The following HERC1 variants were observed in gnomAD, a reference collection of about 807,000 sequenced individuals.
HERC1 encodes probable E3 ubiquitin-protein ligase HERC1.
In HERC1, 160 loss-of-function variants were observed where a neutral mutation model predicts 554.3. That is an observed-to-expected ratio of 0.29 (90% CI 0.25 to 0.33). The LOEUF is 0.33. Among genes scored for constraint, HERC1 ranks in the 10% least tolerant of loss-of-function variants. The pLI is 1.00. For synonymous variants in HERC1, 2,175 were observed against 2,131.7 expected (o/e 1.02, Z -0.56); for missense variants, 4,919 against 5,918.5 (o/e 0.83, Z 5.54).
intron 1 of HERC1, among the ~76,000 whole-genome samples, chr15:63,821,653 G>A (rs1320313315): frequency 1.3e-5 from 2 of 149,716 alleles, no homozygotes; most frequent in Non-Finnish European, 1.5e-5. Flanking sequence ...CTGAGTCTTG[G>A]GAGGTCAAGG....
chr15:63,807,377 C>T (rs2077169966), intron 1 of HERC1, among the ~76,000 whole-genome samples: 1 of 152,136 alleles, frequency 6.6e-6, no homozygotes, highest in South Asian at 2.1e-4. Flanking sequence ...AGCTCCCTTC[C>T]CACCTCACAA....
chr15:63,621,451 T>C (rs1220028852), intron 74 of HERC1, among the ~76,000 whole-genome samples: 1 of 152,230 alleles, frequency 6.6e-6, no homozygotes, highest in Non-Finnish European at 1.5e-5. Flanking sequence ...TCAACTTTGG[T>C]GAATCTGACA....
At chr15:63,740,697 G>A (rs1334013871) in intron 12 of HERC1, among the ~76,000 whole-genome samples, 1 of 151,318 alleles carries the variant, frequency 6.6e-6, no homozygotes, top group African/African-American at 2.4e-5. Flanking sequence ...TTTTTCATGT[G>A]TTTACTGGCT....
intron 1 of HERC1, among the ~76,000 whole-genome samples, chr15:63,798,005 T>G (rs931443847): frequency 6.6e-6 from 1 of 152,306 alleles, no homozygotes; most frequent in South Asian, 2.1e-4. Flanking sequence ...ACTCTAAATG[T>G]TGAGTGGATG....
rs1396301419 is a variant in HERC1, at chr15:63,630,544, C to G, written c.12888G>C (p.Val4296=). ...PVLAGVIIED[V]AVGAEHTLAL... ...CAAGTGTGTGTTCAGCTCCAACTGCCACATCTTCTATGATTACTCCAGCCA... is the reference window on the plus strand; with the variant it reads ...CAAGTGTGTGTTCAGCTCCAACTGCGACATCTTCTATGATTACTCCAGCCA... The change falls in exon 69 of 78, where the codon GTG becomes GTC. Residue 4296 remains valine, a synonymous_variant. Transcript: ENST00000443617. 1 of 1,613,892 alleles carries G rather than the reference C, an allele frequency of 6.2e-7. No individual in the cohort carries two copies. The highest frequency in any genetic ancestry group is 1.3e-5 in the African/African-American group (1 of 74,932).
chr15:63,627,251 C>T lies in HERC1; in HGVS notation c.13106-1097G>A, dbSNP rs552397961. Among the ~76,000 whole-genome samples, 9 of 151,954 alleles carry T rather than the reference C, an allele frequency of 5.9e-5. No individual in the cohort carries two copies. The South Asian group carries it at 1.7e-3, about 28-fold the overall frequency. ...AAAATCCCTATGGGGAATCTTAGGACCCCCCCTAAGAAATAGAGGGGTTAA... is the reference window on the plus strand; with the variant it reads ...AAAATCCCTATGGGGAATCTTAGGATCCCCCCTAAGAAATAGAGGGGTTAA... On this transcript the variant is annotated intron_variant, in intron 70 of 77. Coordinates refer to ENST00000443617, the MANE Select transcript of HERC1 (RefSeq NM_003922.4).
In HERC1 at chr15:63,632,544, C is replaced by T. The variant is rs1420844399; in HGVS notation, c.12796+165G>A. 29 of 688,234 alleles carry T rather than the reference C, an allele frequency of 4.2e-5. No individual in the cohort carries two copies. In the East Asian group the frequency reaches 7.9e-4, roughly 19 times the overall value. 42.6% of individuals were successfully genotyped at this position (688,234 alleles called of 1,614,324 possible). On this transcript the variant is annotated intron_variant, in intron 68 of 77. Transcript: ENST00000443617. ...AGGGGAGTTTGTCTTTATAATAAAG[C>T]ACATGAAAGAGAAGTGGAAAATTAT...
At chr15:63,833,794 A>ACACACACACACACACACACACACAC (rs1567176642) in intron 1 of HERC1, 33 bp downstream of exon 1, 2 of 137,458 alleles carry the variant, frequency 1.5e-5, no homozygotes, top group African/African-American at 6.2e-5. Context: ...CACACACAGG[A>ACACACACACACACACACACACACAC]CCAGGAGGAC....
At chr15:63,664,699 A>G in intron 42 of HERC1, 105 bp from the exon 43 acceptor site, 1 of 947,736 alleles carries the variant, frequency 1.1e-6, no homozygotes, top group South Asian at 2.0e-5. Context: ...CATTGAGAAT[A>G]AAATATGTTT....
At position 63,744,611 on chromosome 15, in the gene HERC1, C is replaced by T. The variant is rs967757654; in HGVS notation, c.2520+2307G>A. On this transcript the variant is annotated intron_variant, in intron 12 of 77. Transcript: ENST00000443617. ...CCCCTTTCCAAAGCTAGAGGAGCCT[C>T]GCCCCATAGCTACCACCACCCCAGG... Among the ~76,000 whole-genome samples, 4 of 152,096 alleles carry T rather than the reference C, an allele frequency of 2.6e-5. 1 individual carries two copies. Among genetic ancestry groups the T allele is most frequent in the East Asian group, 3.9e-4 (2 of 5,190 alleles).
chr15:63,747,914 C>A, intron 10 of HERC1, 56 bp from the exon 11 acceptor site: 1 of 1,476,790 alleles, frequency 6.8e-7, no homozygotes, highest in South Asian at 1.3e-5. Context: ...TTTTTATGCA[C>A]GATCAAAAAC....
chr15:63,710,169 T>C (rs1350614757), intron 24 of HERC1, among the ~76,000 whole-genome samples: 1 of 152,218 alleles, frequency 6.6e-6, no homozygotes, highest in Non-Finnish European at 1.5e-5. Flanking sequence ...CTAGATTTGA[T>C]CAGTCTGTAA....
intron 48 of HERC1, among the ~76,000 whole-genome samples, chr15:63,657,169 G>A (rs560819606): frequency 1.3e-5 from 2 of 150,954 alleles, no homozygotes; most frequent in East Asian, 3.9e-4. Context: ...AGTTTTAGCT[G>A]TTTCAGTCAC....
intron 76 of HERC1, among the ~76,000 whole-genome samples, chr15:63,615,265 G>C (rs1297844620): frequency 6.6e-6 from 1 of 152,136 alleles, no homozygotes; most frequent in Non-Finnish European, 1.5e-5. Context: ...TAAGGCACTG[G>C]GTATGGAGAA....
At chr15:63,813,057 T>C (rs2077379679) in intron 1 of HERC1, among the ~76,000 whole-genome samples, 1 of 152,168 alleles carries the variant, frequency 6.6e-6, no homozygotes, top group South Asian at 2.1e-4. Flanking sequence ...TCAACGATAT[T>C]GAGATACATA....
chr15:63,826,483 C>T (rs1161303032), intron 1 of HERC1, among the ~76,000 whole-genome samples: 3 of 152,000 alleles, frequency 2.0e-5, no homozygotes, highest in East Asian at 3.9e-4. Context: ...CATATTCTAG[C>T]CTAAGAAATA....
chr15:63,609,626 T>G (rs1447790089), intron 77 of HERC1, among the ~76,000 whole-genome samples: 1 of 150,784 alleles, frequency 6.6e-6, no homozygotes, highest in Admixed American at 6.6e-5. Context: ...ACCAAGAGGG[T>G]GCAGACTGGA....
rs766048070 is a variant in HERC1, at chr15:63,727,200, C to T, written c.3346+447G>A. ...TTGAGCCAGGAGAATCACTTGAACC[C>T]GGGAGGCAGAGGTTGCAATGAGGCA... On this transcript the variant is annotated intron_variant, in intron 17 of 77. Coordinates refer to ENST00000443617, the MANE Select transcript of HERC1 (RefSeq NM_003922.4). The surrounding 1 kb of genome is among the most constrained non-coding windows in gnomAD (Gnocchi z 4.3). Among the ~76,000 whole-genome samples the T allele has an allele frequency of 6.6e-6, 1 of 152,040 alleles. No individual in the cohort carries two copies. The highest frequency in any genetic ancestry group is 1.5e-5 in the Non-Finnish European group (1 of 68,004).
rs181129135 is a variant in HERC1 at position 63,617,156 on chromosome 15, C to T, written c.13689-474G>A. 3.1e-4 allele frequency among the ~76,000 whole-genome samples: 46 copies of T among 149,138 alleles called. 1 individual carries two copies. The highest frequency in any genetic ancestry group is 2.8e-3 in the Admixed American group (42 of 14,928). On this transcript the variant is annotated intron_variant, in intron 74 of 77. Coordinates refer to ENST00000443617, the MANE Select transcript of HERC1 (RefSeq NM_003922.4). ...GGTATATCTCCTAATGCTATCCCTC[C>T]CCGCTCCCCTCACCCCACAACAGGC...
Sources: gnomAD v4.1 joint callset for allele counts (sites outside exome capture counted in the v4.1 genomes callset) on GRCh38, gnomAD v4.1.1 for gene constraint, Gnocchi (gnomAD v3.1) non-coding constraint, MANE v1.5 for transcripts, NCBI Gene and HGNC (gene_info 2026-07-23, HGNC 2026-07-21) for gene names.